AGBL1: variants seen among roughly 807,000 people sequenced by gnomAD.
AGBL1 encodes the protein AGBL carboxypeptidase 1, also known as cytosolic carboxypeptidase 4.
AGBL1 carries 130 observed loss-of-function variants against 118.9 expected under a neutral mutation model. The observed-to-expected ratio is 1.09, with a 90% confidence interval of 0.95 to 1.26. AGBL1 has a LOEUF of 1.26. AGBL1 is among the 50% of genes most tolerant of loss of function. The pLI is 0.00. For synonymous variants in AGBL1, 555 were observed against 478.9 expected (o/e 1.16, Z -2.08); for missense variants, 1,584 against 1,298.1 (o/e 1.22, Z -3.38).
intron 18 of AGBL1, among the ~76,000 whole-genome samples, chr15:86,427,177 A>T (rs952466766): frequency 2.6e-5 from 4 of 152,210 alleles, no homozygotes; most frequent in Non-Finnish European, 5.9e-5. Flanking sequence ...TGGGGTAGAC[A>T]CTGCATAAAA....
At chr15:86,323,599 C>T (rs755848635) in intron 17 of AGBL1, among the ~76,000 whole-genome samples, 1 of 152,126 alleles carries the variant, frequency 6.6e-6, no homozygotes, top group Non-Finnish European at 1.5e-5. Context: ...TAAATAACTG[C>T]CAGTGCAAAA....
chr15:86,576,074 A>C (rs555845346), intron 21 of AGBL1, among the ~76,000 whole-genome samples: 1 of 152,358 alleles, frequency 6.6e-6, no homozygotes, highest in South Asian at 2.1e-4. Flanking sequence ...AGAAGGAAGA[A>C]GATAATTAAT....
chr15:86,653,127 C>T (rs1441712269), intron 21 of AGBL1, among the ~76,000 whole-genome samples: 3 of 151,416 alleles, frequency 2.0e-5, no homozygotes, highest in Non-Finnish European at 4.4e-5. Flanking sequence ...TGCCGAGTAG[C>T]CTTCTTGCAC....
chr15:86,787,483 T>C (rs536233504), intron 22 of AGBL1, among the ~76,000 whole-genome samples: 20 of 152,338 alleles, frequency 1.3e-4, no homozygotes, highest in African/African-American at 3.8e-4. Context: ...TGTATTCAAC[T>C]TTTTCTTTAG....
chr15:86,594,672 A>G lies in AGBL1; in HGVS notation c.2994+40135A>G, dbSNP rs115233869. Among the ~76,000 whole-genome samples the G allele has an allele frequency of 4.6e-3, 698 of 152,364 alleles. 3 individuals are homozygous for G. The highest frequency in any genetic ancestry group is 0.016 in the African/African-American group (661 of 41,594). ...TAATTTGAGAGCATGTTAGTATGCTACATGATATTCCTTCACTACCAGAAT... is the reference window on the plus strand; with the variant it reads ...TAATTTGAGAGCATGTTAGTATGCTGCATGATATTCCTTCACTACCAGAAT... On this transcript the variant is annotated intron_variant, in intron 21 of 22. Coordinates refer to ENST00000614907, the MANE Select transcript of AGBL1 (RefSeq NM_001386094.1).
intron 22 of AGBL1, among the ~76,000 whole-genome samples, chr15:86,802,897 A>G (rs978138061): frequency 2.6e-5 from 4 of 152,146 alleles, no homozygotes; most frequent in Non-Finnish European, 5.9e-5. Flanking sequence ...ATAATAAGAC[A>G]CTCAGTATAG....
At position 86,365,048 on chromosome 15, in the gene AGBL1, CATATATATACACAT is replaced by C. The variant is rs1453977669; in HGVS notation, c.2375-32304_2375-32291del. ...ATATACACACACATATATATACACACATATATATACACATATATATATACACACACACATATATA... is the reference window on the plus strand; with the variant it reads ...ATATACACACACATATATATACACACATATATATACACACACACATATATA... On this transcript the variant is annotated intron_variant, in intron 17 of 22. Coordinates refer to ENST00000614907, the MANE Select transcript of AGBL1 (RefSeq NM_001386094.1). Among the ~76,000 whole-genome samples, 205 of 127,144 alleles carry C rather than the reference CATATATATACACAT, an allele frequency of 1.6e-3. 4 individuals are homozygous for C. Among genetic ancestry groups the C allele is most frequent in the African/African-American group, 6.5e-3 (200 of 30,908 alleles). 83.4% of individuals were successfully genotyped at this position (127,144 alleles called of 152,430 possible).
chr15:86,653,641 T>C (rs2085414733), intron 21 of AGBL1, among the ~76,000 whole-genome samples: 1 of 152,110 alleles, frequency 6.6e-6, no homozygotes, highest in African/African-American at 2.4e-5. Flanking sequence ...TCACCCTACC[T>C]ATGCCATCCC....
At chr15:86,161,432 G>A (rs1253937537) in intron 5 of AGBL1, among the ~76,000 whole-genome samples, 2 of 152,180 alleles carry the variant, frequency 1.3e-5, no homozygotes, top group African/African-American at 4.8e-5. Context: ...ACTGAAAGAA[G>A]TTAAGTAACA....
intron 22 of AGBL1, among the ~76,000 whole-genome samples, chr15:86,901,522 T>C (rs541485394): frequency 6.6e-5 from 10 of 152,232 alleles, no homozygotes; most frequent in African/African-American, 2.2e-4. Flanking sequence ...ATATTTTTAT[T>C]TCTTCAGCTT....
chr15:86,572,806 C>T (rs2084030030), intron 21 of AGBL1, among the ~76,000 whole-genome samples: 1 of 152,242 alleles, frequency 6.6e-6, no homozygotes, highest in Non-Finnish European at 1.5e-5. Context: ...CCCGCCCCTG[C>T]CATCAGTGTG....
intron 3 of AGBL1, 88 bp from the exon 4 acceptor site, chr15:86,154,342 C>T: frequency 2.8e-6 from 4 of 1,424,444 alleles, no homozygotes; most frequent in Non-Finnish European, 2.8e-6. Context: ...CCTCCTCCTT[C>T]ACCATCTTCC....
rs756376226 is a variant in AGBL1, at chr15:86,540,085, G to A, written c.2686-5917G>A. Among the ~76,000 whole-genome samples, 13 of 152,002 alleles carry A rather than the reference G, an allele frequency of 8.6e-5. 1 individual carries two copies. Among genetic ancestry groups the A allele is most frequent in the Middle Eastern group, 3.2e-3 (1 of 316 alleles). On this transcript the variant is annotated intron_variant, in intron 19 of 22. Coordinates refer to ENST00000614907, the MANE Select transcript of AGBL1 (RefSeq NM_001386094.1). Reference sequence around the variant, plus strand: ...ATTTTATCTGGAATTTAGTGTTCTCGGCCACAAAATGAGCATAATAATAGC... The same window carrying A: ...ATTTTATCTGGAATTTAGTGTTCTCAGCCACAAAATGAGCATAATAATAGC...
At chr15:86,120,900 A>ATT (rs201787520) in intron 1 of AGBL1, among the ~76,000 whole-genome samples, 1,996 of 141,884 alleles carry the variant, frequency 0.014, 25 homozygotes, top group East Asian at 0.064. Flanking sequence ...GCTTTTATGG[A>ATT]TTTTTTTTTT....
chr15:86,144,880 G>A (rs1347843315), intron 3 of AGBL1, among the ~76,000 whole-genome samples: 1 of 152,140 alleles, frequency 6.6e-6, no homozygotes, highest in Admixed American at 6.5e-5. Flanking sequence ...CATACGAATT[G>A]CCACAAACTG....
intron 18 of AGBL1, among the ~76,000 whole-genome samples, chr15:86,467,489 C>T (rs1479532932): frequency 2.0e-5 from 3 of 152,226 alleles, no homozygotes; most frequent in Non-Finnish European, 4.4e-5. Flanking sequence ...AAGGTTCTCT[C>T]TCGCTGGCAT....
chr15:86,739,107 C>T (rs1012188575), intron 22 of AGBL1, among the ~76,000 whole-genome samples: 3 of 152,088 alleles, frequency 2.0e-5, no homozygotes, highest in Non-Finnish European at 4.4e-5. Flanking sequence ...GATCACACCA[C>T]TGCATTCCAG....
intron 22 of AGBL1, among the ~76,000 whole-genome samples, chr15:86,726,180 T>C (rs995633290): frequency 2.9e-4 from 44 of 152,232 alleles, no homozygotes; most frequent in African/African-American, 1.0e-3. Flanking sequence ...GAGATGCTTA[T>C]CAAATTCTGC....
chr15:86,629,343 C>G (rs1482083454), intron 21 of AGBL1, among the ~76,000 whole-genome samples: 1 of 152,096 alleles, frequency 6.6e-6, no homozygotes, highest in Non-Finnish European at 1.5e-5. Context: ...AAAAGATTTA[C>G]TCTGAATTAA....
Sources: allele counts gnomAD v4.1 joint callset (sites outside exome capture counted in the v4.1 genomes callset), GRCh38; gene constraint gnomAD v4.1.1; transcripts MANE v1.5; gene names NCBI Gene and HGNC (gene_info 2026-07-23, HGNC 2026-07-21).